Variants in NKAIN2 observed in about 807,000 individuals in gnomAD.
NKAIN2 encodes the protein sodium/potassium-transporting ATPase subunit beta-1-interacting protein 2.
In NKAIN2, 14 loss-of-function variants were observed where a neutral mutation model predicts 32.6. The observed-to-expected ratio is 0.43, with a 90% confidence interval of 0.28 to 0.67. The LOEUF is 0.67. NKAIN2 is among the 30% of genes least tolerant of loss of function. NKAIN2 has a pLI of 0.17. For synonymous variants in NKAIN2, 80 were observed against 87.2 expected (o/e 0.92, Z 0.46); for missense variants, 198 against 258.3 (o/e 0.77, Z 1.60).
At chr6:124,136,635 G>C (rs1448549435) in intron 1 of NKAIN2, among the ~76,000 whole-genome samples, 1 of 152,064 alleles carries the variant, frequency 6.6e-6, no homozygotes, top group Non-Finnish European at 1.5e-5. Flanking sequence ...AAACCCAACA[G>C]CGTCTCACAA....
intron 1 of NKAIN2, among the ~76,000 whole-genome samples, chr6:124,024,473 TAAAG>T (rs1185174176): frequency 1.3e-5 from 2 of 151,868 alleles, no homozygotes; most frequent in Non-Finnish European, 2.9e-5. Flanking sequence ...TTTTAAAAAA[TAAAG>T]AAAGGGGAAA....
chr6:124,719,275 C>T (rs1775905461), intron 4 of NKAIN2, among the ~76,000 whole-genome samples: 1 of 152,220 alleles, frequency 6.6e-6, no homozygotes, highest in East Asian at 1.9e-4. Flanking sequence ...CTGGTTCAAA[C>T]TTTAATGGTA....
chr6:123,859,897 G>T (rs1348682010), intron 1 of NKAIN2, among the ~76,000 whole-genome samples: 6 of 152,000 alleles, frequency 3.9e-5, no homozygotes, highest in African/African-American at 1.5e-4. Flanking sequence ...TGCCATGTTG[G>T]CCAGGCTGGC....
intron 3 of NKAIN2, among the ~76,000 whole-genome samples, chr6:124,409,612 AT>A (rs1774053739): frequency 6.6e-6 from 1 of 152,054 alleles, no homozygotes; most frequent in South Asian, 2.1e-4. Flanking sequence ...TTTATTGAGG[AT>A]TTTTGCATCA....
At chr6:124,000,427 G>A (rs1779830554) in intron 1 of NKAIN2, among the ~76,000 whole-genome samples, 1 of 151,928 alleles carries the variant, frequency 6.6e-6, no homozygotes, top group Non-Finnish European at 1.5e-5. Context: ...AGCCTCAGGA[G>A]TGAATATAAA....
rs187976544 is a variant in NKAIN2 at position 124,336,585 on chromosome 6, T to A, written c.193-18682T>A. On this transcript the variant is annotated intron_variant, in intron 2 of 6. Coordinates refer to ENST00000368417, the MANE Select transcript of NKAIN2 (RefSeq NM_001040214.3). Reference sequence around the variant, plus strand: ...ATTTCCAGACTTTATATATGAGAAATTTTTTTAAACATAGTATTTAAACCA... The same window carrying A: ...ATTTCCAGACTTTATATATGAGAAAATTTTTTAAACATAGTATTTAAACCA... 7.1e-3 allele frequency among the ~76,000 whole-genome samples: 1,077 copies of A among 152,272 alleles called. 10 individuals are homozygous for A. Among genetic ancestry groups the A allele is most frequent in the Non-Finnish European group, 0.013 (855 of 68,016 alleles).
chr6:124,177,773 A>T lies in NKAIN2; in HGVS notation c.55-105232A>T, dbSNP rs1331577617. Among the ~76,000 whole-genome samples the T allele has an allele frequency of 6.7e-3, 150 of 22,232 alleles. 52 individuals carry two copies. The highest frequency in any genetic ancestry group is 9.3e-3 in the Non-Finnish European group (98 of 10,508). 14.6% of individuals were successfully genotyped at this position (22,232 alleles called of 152,430 possible). A position where few individuals can be genotyped will look rare whatever the true frequency, so the allele number is the denominator to read the frequency against. On this transcript the variant is annotated intron_variant, in intron 1 of 6. Transcript: ENST00000368417. ...GGCGCAACGGAGTTTCTGTTCATCCATTTTTTTTTTTTTTTTTTTTTTTTT... is the reference window on the plus strand; with the variant it reads ...GGCGCAACGGAGTTTCTGTTCATCCTTTTTTTTTTTTTTTTTTTTTTTTTT...
chr6:124,561,648 A>T (rs17696159), intron 3 of NKAIN2, among the ~76,000 whole-genome samples: 5,365 of 152,258 alleles, frequency 0.035, 99 homozygotes, highest in Non-Finnish European at 0.048. Context: ...TGGAAAAAGA[A>T]GAGTAGCAGA....
chr6:124,217,303 A>G (rs1791529126), intron 1 of NKAIN2, among the ~76,000 whole-genome samples: 1 of 152,114 alleles, frequency 6.6e-6, no homozygotes, highest in Non-Finnish European at 1.5e-5. Context: ...TCAGGATTAA[A>G]TGTTTACTTG....
At chr6:124,146,672 T>A (rs1787424664) in intron 1 of NKAIN2, among the ~76,000 whole-genome samples, 1 of 152,202 alleles carries the variant, frequency 6.6e-6, no homozygotes, top group African/African-American at 2.4e-5. Flanking sequence ...ATATTATTAT[T>A]CATTAGAAAT....
chr6:124,351,604 T>G (rs1407488078), intron 2 of NKAIN2, among the ~76,000 whole-genome samples: 1 of 152,048 alleles, frequency 6.6e-6, no homozygotes, highest in African/African-American at 2.4e-5. Context: ...TGCTATTTTA[T>G]TTATTTATTT....
At chr6:124,314,779 G>A (rs558044718) in intron 2 of NKAIN2, among the ~76,000 whole-genome samples, 1 of 152,268 alleles carries the variant, frequency 6.6e-6, no homozygotes, top group East Asian at 1.9e-4. Flanking sequence ...AGCAGCTGGG[G>A]TGGTGCCTCT....
chr6:124,616,731 CTTA>C (rs1167626881), intron 3 of NKAIN2, among the ~76,000 whole-genome samples: 2 of 151,604 alleles, frequency 1.3e-5, no homozygotes, highest in Non-Finnish European at 2.9e-5. Context: ...CCCAAATGTT[CTTA>C]TTATTTCTAT....
At chr6:124,260,303 C>G (rs1582943575) in intron 1 of NKAIN2, among the ~76,000 whole-genome samples, 1 of 152,050 alleles carries the variant, frequency 6.6e-6, no homozygotes, top group East Asian at 1.9e-4. Context: ...AAGTAGCATG[C>G]ATAGTGTGTT....
chr6:124,631,835 C>G (rs1354368446), intron 3 of NKAIN2, among the ~76,000 whole-genome samples: 1 of 152,128 alleles, frequency 6.6e-6, no homozygotes, highest in Non-Finnish European at 1.5e-5. Context: ...TTAGATCTCA[C>G]AACTACCCCG....
At chr6:124,495,568 C>G (rs1322390099) in intron 3 of NKAIN2, among the ~76,000 whole-genome samples, 1 of 152,108 alleles carries the variant, frequency 6.6e-6, no homozygotes, top group Non-Finnish European at 1.5e-5. Context: ...TGATGCCAAG[C>G]AGTTGGTCTA....
At chr6:124,444,103 C>T (rs900912051) in intron 3 of NKAIN2, among the ~76,000 whole-genome samples, 3 of 151,858 alleles carry the variant, frequency 2.0e-5, no homozygotes, top group African/African-American at 7.3e-5. Flanking sequence ...ACATCATCTA[C>T]CATAGCACCT....
intron 3 of NKAIN2, among the ~76,000 whole-genome samples, chr6:124,560,611 G>A (rs762925106): frequency 5.3e-5 from 8 of 152,166 alleles, no homozygotes; most frequent in Admixed American, 2.0e-4. Context: ...TGAATACAAC[G>A]ATGAGGCTAC....
chr6:124,064,327 C>A (rs1465362174), intron 1 of NKAIN2, among the ~76,000 whole-genome samples: 1 of 151,974 alleles, frequency 6.6e-6, no homozygotes, highest in Non-Finnish European at 1.5e-5. Flanking sequence ...AATATTTGTG[C>A]TTTTGCTAAA....
Sources: gnomAD v4.1 joint callset for allele counts (sites outside exome capture counted in the v4.1 genomes callset) on GRCh38, gnomAD v4.1.1 for gene constraint, MANE v1.5 for transcripts, NCBI Gene and HGNC (gene_info 2026-07-23, HGNC 2026-07-21) for gene names.